Variants in MICAL2 observed in about 807,000 individuals in gnomAD.
MICAL2 encodes microtubule associated monooxygenase, calponin and LIM domain containing 2.
In MICAL2, 77 loss-of-function variants were observed where a neutral mutation model predicts 127.3. The observed-to-expected ratio is 0.60, with a 90% confidence interval of 0.50 to 0.73. The LOEUF (loss-of-function observed/expected upper bound fraction) is 0.73, where lower values mean the gene tolerates loss of function less well. Among genes scored for constraint, MICAL2 ranks in the 30% least tolerant of loss-of-function variants. The pLI is 0.00. For missense variants in MICAL2, 1,351 were observed against 1,434.4 expected (o/e 0.94, Z 0.94); for synonymous variants, 570 against 551.1 (o/e 1.03, Z -0.48).
upstream of MICAL2, among the ~76,000 whole-genome samples, chr11:12,274,091 A>C (rs1487344625): frequency 2.0e-5 from 3 of 152,186 alleles, no homozygotes; most frequent in East Asian, 5.8e-4. Context: ...CAGCATATTT[A>C]AATATAGACA....
At chr11:12,136,254 A>C (rs1369954458) in intron 1 of MICAL2, among the ~76,000 whole-genome samples, 3 of 152,122 alleles carry the variant, frequency 2.0e-5, no homozygotes, top group African/African-American at 7.2e-5. Flanking sequence ...AAAGGAAAAT[A>C]TAGTGTCAGG....
intron 16 of MICAL2, among the ~76,000 whole-genome samples, chr11:12,236,894 G>C (rs1026970240): frequency 2.0e-5 from 3 of 152,212 alleles, no homozygotes; most frequent in Non-Finnish European, 4.4e-5. Context: ...CATATTGTCA[G>C]CGAAGTGTGG....
In MICAL2 at chr11:12,263,729, T is replaced by G. The variant is rs1237156331; in HGVS notation, c.*187T>G. On this transcript the variant is annotated 3_prime_UTR_variant, in exon 28 of 28. Coordinates refer to ENST00000683283, the MANE Select transcript of MICAL2 (RefSeq NM_001282663.2). ...TGCACACAGCAAAACAAACAATGTTTAGCTTTATTTATGGTATTTGATGCT... is the reference window on the plus strand; with the variant it reads ...TGCACACAGCAAAACAAACAATGTTGAGCTTTATTTATGGTATTTGATGCT... The G allele has an allele frequency of 1.3e-5, 2 of 152,672 alleles. No homozygotes were observed. The highest frequency in any genetic ancestry group is 2.9e-5 in the Non-Finnish European group (2 of 68,040). 9.5% of individuals were successfully genotyped at this position (152,672 alleles called of 1,614,324 possible). A position where few individuals can be genotyped will look rare whatever the true frequency, so the allele number is the denominator to read the frequency against.
At chr11:12,362,115 AT>A (rs984320276), downstream of MICAL2, among the ~76,000 whole-genome samples, 2 of 152,226 alleles carry the variant, frequency 1.3e-5, no homozygotes, top group African/African-American at 4.8e-5. Context: ...CCAAAAATAA[AT>A]GGTTTTGTGT....
At chr11:12,226,557 A>G (rs1198200048) in intron 14 of MICAL2, among the ~76,000 whole-genome samples, 187 bp downstream of exon 14, 2 of 150,924 alleles carry the variant, frequency 1.3e-5, no homozygotes, top group East Asian at 1.9e-4. Context: ...TCTGTATGCC[A>G]TTTACATCTT....
At chr11:12,229,581 G>T (rs1857935109) in intron 15 of MICAL2, among the ~76,000 whole-genome samples, 1 of 152,218 alleles carries the variant, frequency 6.6e-6, no homozygotes. Flanking sequence ...TTGGCCCTCA[G>T]AGGGAACTGG....
chr11:12,215,607 G>C (rs912504877), intron 7 of MICAL2, among the ~76,000 whole-genome samples: 1 of 152,222 alleles, frequency 6.6e-6, no homozygotes, highest in Admixed American at 6.5e-5. Context: ...TTTGAGAACC[G>C]TGGAGCTAAG....
intron 1 of MICAL2, among the ~76,000 whole-genome samples, chr11:12,131,490 T>C (rs1189340214): frequency 6.6e-6 from 1 of 152,182 alleles, no homozygotes; most frequent in African/African-American, 2.4e-5. Flanking sequence ...CCTTCTTCTC[T>C]GCCTTTTCAA....
chr11:12,119,241 T>C (rs1016477127), intron 1 of MICAL2, among the ~76,000 whole-genome samples: 1 of 152,208 alleles, frequency 6.6e-6, no homozygotes, highest in Admixed American at 6.5e-5. Flanking sequence ...GTGTTTATGT[T>C]GTATCTCTTC....
intron 29 of MICAL2, among the ~76,000 whole-genome samples, chr11:12,316,034 C>G (rs982854180): frequency 9.2e-5 from 14 of 151,572 alleles, no homozygotes; most frequent in African/African-American, 3.4e-4. Context: ...ATGGAATGTC[C>G]CTCTTTATCT....
At chr11:12,350,202 G>C (rs1157891350) in intron 33 of MICAL2, among the ~76,000 whole-genome samples, 2 of 152,172 alleles carry the variant, frequency 1.3e-5, no homozygotes, top group Non-Finnish European at 2.9e-5. Context: ...TTTGGATAAG[G>C]CATTTTCAAT....
chr11:12,123,586 A>G (rs1169901537), intron 1 of MICAL2, among the ~76,000 whole-genome samples: 1 of 152,226 alleles, frequency 6.6e-6, no homozygotes, highest in East Asian at 1.9e-4. Context: ...ACCAGGAATG[A>G]GTCAAATTTC....
intron 32 of MICAL2, among the ~76,000 whole-genome samples, chr11:12,334,786 C>T (rs1009659754): frequency 1.3e-4 from 20 of 152,058 alleles, no homozygotes; most frequent in African/African-American, 4.8e-4. Context: ...GACATGAACT[C>T]ATCATTTTTT....
rs181721634 is a variant in MICAL2 at position 12,164,518 on chromosome 11, T to G, written c.264+2099T>G. 2.5e-3 allele frequency among the ~76,000 whole-genome samples: 385 copies of G among 152,342 alleles called. 3 individuals carry two copies. The highest frequency in any genetic ancestry group is 2.8e-3 in the Non-Finnish European group (190 of 68,032). On this transcript the variant is annotated intron_variant, in intron 3 of 27. Coordinates refer to ENST00000683283, the MANE Select transcript of MICAL2 (RefSeq NM_001282663.2). ...TATTAACAGGAAGGTCCAGACACTT[T>G]AAGTCCTGACCTTAACTTGGGTGCT...
Position 12,213,425 on chromosome 11 carries a change from T to C in MICAL2, c.847+15T>C. 1 of 1,609,822 alleles carries C rather than the reference T, an allele frequency of 6.2e-7. No homozygotes were observed. The highest frequency in any genetic ancestry group is 1.1e-5 in the South Asian group (1 of 90,606). On this transcript the variant is annotated intron_variant, in intron 7 of 27. Transcript: ENST00000683283. ...AGAAGAAACAGGTGGGACCTTCACC[T>C]TTCTCCCAACCAGGCCAAGGTCTAA... is the stretch of plus-strand genomic sequence containing the variant.
At chr11:12,183,004 A>G (rs1471573887) in intron 3 of MICAL2, among the ~76,000 whole-genome samples, 1 of 151,802 alleles carries the variant, frequency 6.6e-6, no homozygotes, top group East Asian at 1.9e-4. Flanking sequence ...CTGCTTCTCT[A>G]TCTGCTGTTC....
At chr11:12,195,364 T>C (rs1859758286) in intron 3 of MICAL2, among the ~76,000 whole-genome samples, 1 of 152,208 alleles carries the variant, frequency 6.6e-6, no homozygotes, top group African/African-American at 2.4e-5. Context: ...TGCTATTTAA[T>C]TGAAATGCAC....
chr11:12,235,274 G>T (rs1337062650), intron 15 of MICAL2, among the ~76,000 whole-genome samples: 1 of 152,190 alleles, frequency 6.6e-6, no homozygotes, highest in Non-Finnish European at 1.5e-5. Context: ...TCCCTGAGGA[G>T]ACAAGCCTGA....
Position 12,262,614 on chromosome 11 carries a change from A to G in MICAL2, c.*17+77A>G, listed in dbSNP as rs1052962006. ...CTTTCCGCACCCCGTCCTCTCCGCC[A>G]GCAGTACTGGTTGCACTAACTGTGA... On this transcript the variant is annotated intron_variant, in intron 27 of 27. Transcript: ENST00000683283. 4 of 1,226,904 alleles carry G rather than the reference A, an allele frequency of 3.3e-6. No individual in the cohort carries two copies. In the African/African-American group the frequency reaches 4.5e-5, roughly 14 times the overall value. 76.0% of individuals were successfully genotyped at this position (1,226,904 alleles called of 1,614,324 possible). A position where few individuals can be genotyped will look rare whatever the true frequency, so the allele number is the denominator to read the frequency against.
Sources: gnomAD v4.1 joint callset for allele counts (sites outside exome capture counted in the v4.1 genomes callset) on GRCh38, gnomAD v4.1.1 for gene constraint, MANE v1.5 for transcripts, NCBI Gene and HGNC (gene_info 2026-07-23, HGNC 2026-07-21) for gene names.